Variants in KCNB2 observed in about 807,000 individuals in gnomAD.
The protein encoded by KCNB2 is delayed rectifier potassium channel protein.
A neutral mutation model predicts 61.5 loss-of-function variants in KCNB2; 15 were observed. The ratio of observed to expected loss-of-function variants is 0.24; its 90% CI spans 0.16 to 0.38. KCNB2 has a LOEUF of 0.38. Ranked by LOEUF, KCNB2 falls within the 10% of genes least tolerant of loss-of-function variation. The pLI is 1.00. For synonymous variants in KCNB2, 457 were observed against 446.0 expected (o/e 1.02, Z -0.31); for missense variants, 828 against 1,125.2 (o/e 0.74, Z 3.78).
At position 72,776,172 on chromosome 8, in the gene KCNB2, G is replaced by A. The variant is rs947487473; in HGVS notation, c.580-159763G>A. ...AGGGACAAAAAACCAAACACCGCAT[G>A]TTCTCACTCATAGGTGGGAATTGAA... On this transcript the variant is annotated intron_variant, in intron 2 of 2. Transcript: ENST00000523207. Among the ~76,000 whole-genome samples the A allele has an allele frequency of 9.4e-5, 14 of 148,506 alleles. No individual in the cohort carries two copies. The Admixed American group carries it at 9.5e-4, about 10-fold the overall frequency.
intron 2 of KCNB2, among the ~76,000 whole-genome samples, chr8:72,911,797 A>T (rs12677558): frequency 0.46 from 70,151 of 152,026 alleles, 17,789 homozygotes; most frequent in Middle Eastern, 0.6. Flanking sequence ...AGCTATGGAC[A>T]ATTTACTTAA....
chr8:72,905,930 G>A lies in KCNB2; in HGVS notation c.580-30005G>A, dbSNP rs143915262. 4.7e-4 allele frequency among the ~76,000 whole-genome samples: 72 copies of A among 152,190 alleles called. 1 individual carries two copies. The highest frequency in any genetic ancestry group is 1.6e-3 in the African/African-American group (68 of 41,538). On this transcript the variant is annotated intron_variant, in intron 2 of 2. Transcript: ENST00000523207. ...CATGAAGGAGTTTAGAATCCCTCAGGGTCACTGCCCATAGCAGGGACAATT... is the reference window on the plus strand; with the variant it reads ...CATGAAGGAGTTTAGAATCCCTCAGAGTCACTGCCCATAGCAGGGACAATT...
chr8:72,604,193 C>T (rs1805411072), intron 2 of KCNB2, among the ~76,000 whole-genome samples: 1 of 152,180 alleles, frequency 6.6e-6, no homozygotes, highest in Non-Finnish European at 1.5e-5. Flanking sequence ...ATCAACCCTA[C>T]TCCATAGAGT....
intron 2 of KCNB2, among the ~76,000 whole-genome samples, chr8:72,705,261 C>G (rs1052962960): frequency 1.3e-5 from 2 of 152,170 alleles, no homozygotes; most frequent in African/African-American, 4.8e-5. Context: ...ATCCCTGGAA[C>G]GTTTTTCTTG....
intron 2 of KCNB2, among the ~76,000 whole-genome samples, chr8:72,690,609 T>C (rs1806925624): frequency 6.6e-6 from 1 of 152,236 alleles, no homozygotes; most frequent in African/African-American, 2.4e-5. Flanking sequence ...AGGACCATCA[T>C]TTCTGGAAGT....
At chr8:72,922,323 A>G (rs1483246754) in intron 2 of KCNB2, among the ~76,000 whole-genome samples, 2 of 152,044 alleles carry the variant, frequency 1.3e-5, no homozygotes, top group Non-Finnish European at 2.9e-5. Flanking sequence ...ATCTGCAAAG[A>G]CCCCATTTCC....
chr8:72,700,244 A>G (rs1807094432), intron 2 of KCNB2, among the ~76,000 whole-genome samples: 1 of 152,084 alleles, frequency 6.6e-6, no homozygotes, highest in Non-Finnish European at 1.5e-5. Context: ...TACCTAATGC[A>G]TGCAGGTCTT....
chr8:72,661,954 G>A (rs1410455829), intron 2 of KCNB2, among the ~76,000 whole-genome samples: 2 of 152,088 alleles, frequency 1.3e-5, no homozygotes, highest in Non-Finnish European at 2.9e-5. Context: ...ATAATTTGTT[G>A]TAGAGTCTGG....
chr8:72,605,164 T>A (rs1805424518), intron 2 of KCNB2, among the ~76,000 whole-genome samples: 1 of 152,182 alleles, frequency 6.6e-6, no homozygotes, highest in Non-Finnish European at 1.5e-5. Flanking sequence ...CTGTAAAAAG[T>A]CACTTGGGGA....
chr8:72,813,637 C>T (rs1247734061), intron 2 of KCNB2, among the ~76,000 whole-genome samples: 1 of 152,182 alleles, frequency 6.6e-6, no homozygotes, highest in African/African-American at 2.4e-5. Flanking sequence ...CTCTCCCTTT[C>T]TCTGCCCCCA....
chr8:72,691,969 G>C (rs1385334086), intron 2 of KCNB2, among the ~76,000 whole-genome samples: 1 of 152,020 alleles, frequency 6.6e-6, no homozygotes, highest in Non-Finnish European at 1.5e-5. Flanking sequence ...GGGTGCGGTG[G>C]CTCACACTTG....
intron 2 of KCNB2, among the ~76,000 whole-genome samples, chr8:72,873,290 C>T (rs866602696): frequency 1.5e-4 from 23 of 152,312 alleles, no homozygotes; most frequent in Middle Eastern, 6.8e-3. Flanking sequence ...CATTGGTGAA[C>T]GGCAAGGCAG....
intron 2 of KCNB2, among the ~76,000 whole-genome samples, chr8:72,695,434 A>G (rs1381872962): frequency 6.6e-6 from 1 of 152,162 alleles, no homozygotes; most frequent in Non-Finnish European, 1.5e-5. Context: ...ATAAGTATAG[A>G]GTTTACTTAG....
intron 2 of KCNB2, among the ~76,000 whole-genome samples, chr8:72,808,116 T>G (rs1396107036): frequency 6.6e-6 from 1 of 152,166 alleles, no homozygotes; most frequent in Non-Finnish European, 1.5e-5. Context: ...AAATAGACCT[T>G]CAATTTGATT....
chr8:72,771,379 A>G (rs1259591673), intron 2 of KCNB2, among the ~76,000 whole-genome samples: 1 of 152,094 alleles, frequency 6.6e-6, no homozygotes, highest in Non-Finnish European at 1.5e-5. Flanking sequence ...TATTTCAGCT[A>G]TGGAGTTCTG....
intron 2 of KCNB2, among the ~76,000 whole-genome samples, chr8:72,579,907 T>G (rs1000351140): frequency 1.7e-4 from 26 of 152,318 alleles, no homozygotes; most frequent in East Asian, 3.9e-4. Context: ...TTCCCTGCAG[T>G]CCAGGGTCAT....
At chr8:72,930,115 C>A (rs553330440) in intron 2 of KCNB2, among the ~76,000 whole-genome samples, 1 of 152,094 alleles carries the variant, frequency 6.6e-6, no homozygotes, top group Non-Finnish European at 1.5e-5. Context: ...CATGTCCCTA[C>A]AAAGGACATG....
chr8:72,923,023 T>G (rs1585977847), intron 2 of KCNB2, among the ~76,000 whole-genome samples: 3 of 139,298 alleles, frequency 2.2e-5, no homozygotes. Flanking sequence ...GCAGTGGGGG[T>G]TGGGGGGTGG....
intron 2 of KCNB2, among the ~76,000 whole-genome samples, chr8:72,649,572 T>C (rs921377366): frequency 2.6e-5 from 4 of 152,184 alleles, no homozygotes; most frequent in Non-Finnish European, 4.4e-5. Context: ...CCTGCATGTG[T>C]ATCCCCTGAA....
Sources: gnomAD v4.1 joint callset for allele counts (sites outside exome capture counted in the v4.1 genomes callset) on GRCh38, gnomAD v4.1.1 for gene constraint, MANE v1.5 for transcripts, NCBI Gene and HGNC (gene_info 2026-07-23, HGNC 2026-07-21) for gene names.